GRIN2B: variants seen among roughly 807,000 people sequenced by gnomAD.
GRIN2B encodes glutamate receptor ionotropic, NMDA 2B.
A neutral mutation model predicts 114.5 loss-of-function variants in GRIN2B; 5 were observed. The observed-to-expected ratio is 0.04, with a 90% confidence interval of 0.02 to 0.09. The LOEUF (loss-of-function observed/expected upper bound fraction) is 0.09. GRIN2B is among the 10% of genes least tolerant of loss of function. The pLI is 1.00. For synonymous variants in GRIN2B, 787 were observed against 745.1 expected (o/e 1.06, Z -0.92); for missense variants, 1,108 against 1,943.5 (o/e 0.57, Z 8.08).
intron 2 of GRIN2B, among the ~76,000 whole-genome samples, chr12:13,881,980 A>T (rs1232423458): frequency 6.6e-6 from 1 of 152,104 alleles, no homozygotes; most frequent in Admixed American, 6.5e-5. Context: ...AATCATCTAC[A>T]CCTTAAAATT....
intron 3 of GRIN2B, among the ~76,000 whole-genome samples, chr12:13,830,084 G>A (rs770524766): frequency 2.6e-5 from 4 of 152,188 alleles, no homozygotes; most frequent in Non-Finnish European, 5.9e-5. Flanking sequence ...CATCAAAAAT[G>A]AGTTCTGTTA....
intron 2 of GRIN2B, among the ~76,000 whole-genome samples, chr12:13,975,732 A>G (rs1863007998): frequency 6.6e-6 from 1 of 152,244 alleles, no homozygotes; most frequent in South Asian, 2.1e-4. Flanking sequence ...GATGAATAAA[A>G]CATCTCTCCC....
At chr12:13,790,887 G>A (rs144369741) in intron 3 of GRIN2B, among the ~76,000 whole-genome samples, 18 of 152,270 alleles carry the variant, frequency 1.2e-4, no homozygotes, top group South Asian at 6.2e-4. Context: ...CCCAGAGAGC[G>A]GGGCCAAGAG....
At chr12:13,829,284 G>A (rs1228684753) in intron 3 of GRIN2B, among the ~76,000 whole-genome samples, 2 of 152,136 alleles carry the variant, frequency 1.3e-5, no homozygotes, top group Non-Finnish European at 2.9e-5. Flanking sequence ...CACTCCCAGA[G>A]CAGAAGATGT....
intron 2 of GRIN2B, among the ~76,000 whole-genome samples, chr12:13,931,580 T>A (rs562593128): frequency 6.7e-6 from 1 of 149,972 alleles, no homozygotes; most frequent in African/African-American, 2.5e-5. Flanking sequence ...ATCTCTATGC[T>A]GACAGCTCCC....
chr12:13,727,038 T>A (rs1461910764), intron 4 of GRIN2B, among the ~76,000 whole-genome samples: 1 of 152,078 alleles, frequency 6.6e-6, no homozygotes, highest in Non-Finnish European at 1.5e-5. Context: ...ATTAAATAAC[T>A]AGTAATTTAA....
chr12:13,561,685 A>G lies in GRIN2B; in HGVS notation c.*1098T>C, dbSNP rs1241049978. ...AATCTTTTGCTCCCAAGTGTGGGCA[A>G]AAGAATCATGGCTGTGAAAATTCGG... On this transcript the variant is annotated 3_prime_UTR_variant, in exon 14 of 14. Coordinates refer to ENST00000609686, the MANE Select transcript of GRIN2B (RefSeq NM_000834.5). 6.6e-6 allele frequency: 1 copy of G among 152,656 alleles called. No individual in the cohort carries two copies. The highest frequency in any genetic ancestry group is 1.5e-5 in the Non-Finnish European group (1 of 68,036). 9.5% of individuals were successfully genotyped at this position (152,656 alleles called of 1,614,324 possible).
chr12:13,672,040 C>T (rs1950027109), intron 5 of GRIN2B, among the ~76,000 whole-genome samples: 1 of 152,226 alleles, frequency 6.6e-6, no homozygotes, highest in South Asian at 2.1e-4. Context: ...ACTTAAATGA[C>T]AGGAATGACA....
chr12:13,613,205 C>T (rs1949387908), intron 8 of GRIN2B, among the ~76,000 whole-genome samples: 1 of 152,206 alleles, frequency 6.6e-6, no homozygotes, highest in South Asian at 2.1e-4. Context: ...GATTGCAATT[C>T]TACCCTGATT....
At chr12:13,844,268 CCTT>C (rs1865432600) in intron 3 of GRIN2B, among the ~76,000 whole-genome samples, 1 of 152,178 alleles carries the variant, frequency 6.6e-6, no homozygotes, top group African/African-American at 2.4e-5. Context: ...TAATCCTTCT[CCTT>C]ATTTTAAAAT....
intron 4 of GRIN2B, among the ~76,000 whole-genome samples, chr12:13,698,353 T>C (rs919805084): frequency 9.2e-5 from 14 of 152,264 alleles, no homozygotes; most frequent in African/African-American, 3.4e-4. Context: ...AGTAGGGAAT[T>C]TCTCAAAATG....
At chr12:13,752,917 T>C (rs1239730523) in intron 4 of GRIN2B, among the ~76,000 whole-genome samples, 1 of 152,204 alleles carries the variant, frequency 6.6e-6, no homozygotes, top group Admixed American at 6.5e-5. Context: ...CAAGTAGTAC[T>C]TACAGATCAG....
intron 3 of GRIN2B, among the ~76,000 whole-genome samples, chr12:13,809,744 T>A (rs1864691157): frequency 6.6e-6 from 1 of 152,224 alleles, no homozygotes; most frequent in Non-Finnish European, 1.5e-5. Context: ...GAATACTGAA[T>A]AAATGGATAA....
intron 3 of GRIN2B, among the ~76,000 whole-genome samples, chr12:13,762,193 C>G (rs910556868): frequency 6.6e-6 from 1 of 152,018 alleles, no homozygotes; most frequent in Non-Finnish European, 1.5e-5. Flanking sequence ...TTAGTAAAGA[C>G]GGGGTTTCAT....
chr12:13,757,085 G>A (rs948816124), intron 3 of GRIN2B, among the ~76,000 whole-genome samples: 3 of 152,100 alleles, frequency 2.0e-5, no homozygotes, highest in African/African-American at 7.2e-5. Context: ...TGATTCCTCT[G>A]CTCCGATTGA....
chr12:13,958,944 G>A (rs574100238), intron 2 of GRIN2B, among the ~76,000 whole-genome samples: 13 of 152,082 alleles, frequency 8.5e-5, no homozygotes, highest in East Asian at 3.9e-4. Flanking sequence ...TTTGGACCGC[G>A]GGAATTAGCT....
intron 3 of GRIN2B, among the ~76,000 whole-genome samples, chr12:13,849,045 T>C (rs765164036): frequency 2.0e-5 from 3 of 152,110 alleles, no homozygotes; most frequent in Non-Finnish European, 4.4e-5. Flanking sequence ...AAATAGTACT[T>C]TCCTCAATAA....
chr12:13,785,280 CATA>C (rs1437537201), intron 3 of GRIN2B, among the ~76,000 whole-genome samples: 1 of 152,188 alleles, frequency 6.6e-6, no homozygotes, highest in African/African-American at 2.4e-5. Context: ...ACCCCATCTG[CATA>C]ATATGTAAGG....
chr12:13,630,716 T>G (rs1565482938), intron 5 of GRIN2B, among the ~76,000 whole-genome samples: 1 of 152,258 alleles, frequency 6.6e-6, no homozygotes, highest in East Asian at 1.9e-4. Context: ...CAAAAACCAC[T>G]AATTCAAACT....
Sources: allele counts gnomAD v4.1 joint callset (sites outside exome capture counted in the v4.1 genomes callset), GRCh38; gene constraint gnomAD v4.1.1; transcripts MANE v1.5; gene names NCBI Gene and HGNC (gene_info 2026-07-23, HGNC 2026-07-21).